The following USH1C variants were observed in gnomAD, a reference collection of about 807,000 sequenced individuals.
USH1C encodes USH1 protein network component harmonin, also known as harmonin.
In USH1C, 90 loss-of-function variants were observed where a neutral mutation model predicts 119.3. That is an observed-to-expected ratio of 0.75 (90% CI 0.64 to 0.90). The LOEUF (loss-of-function observed/expected upper bound fraction) is 0.90, where lower values mean the gene tolerates loss of function less well. USH1C is among the 40% of genes least tolerant of loss of function. USH1C has a pLI of 0.00. For missense variants in USH1C, 1,165 were observed against 1,167.7 expected (o/e 1.00, Z 0.03); for synonymous variants, 465 against 443.3 (o/e 1.05, Z -0.62).
At chr11:17,503,732 C>A (rs1261705616) in intron 20 of USH1C, among the ~76,000 whole-genome samples, 1 of 152,224 alleles carries the variant, frequency 6.6e-6, no homozygotes, top group Non-Finnish European at 1.5e-5. Context: ...CAGGGATTGA[C>A]ATTAGCTGTG....
intron 8 of USH1C, 34 bp downstream of exon 8, chr11:17,526,312 GC>G: frequency 6.3e-7 from 1 of 1,577,576 alleles, no homozygotes; most frequent in Non-Finnish European, 8.7e-7. Context: ...GGGTGCACTG[GC>G]CACGAATGAC....
At chr11:17,506,616 C>T (rs766687836) in intron 18 of USH1C, among the ~76,000 whole-genome samples, 6 of 152,240 alleles carry the variant, frequency 3.9e-5, no homozygotes, top group Non-Finnish European at 7.3e-5. Context: ...CCTCGCCACG[C>T]TCCTCACACT....
At chr11:17,529,397 G>C (rs1352428263) in intron 4 of USH1C, among the ~76,000 whole-genome samples, 2 of 152,234 alleles carry the variant, frequency 1.3e-5, no homozygotes, top group African/African-American at 4.8e-5. Context: ...CACCACTGGG[G>C]ACCCAGCCTC....
chr11:17,522,055 A>G (rs1186857821), intron 12 of USH1C, among the ~76,000 whole-genome samples: 2 of 151,812 alleles, frequency 1.3e-5, no homozygotes, highest in African/African-American at 4.8e-5. Context: ...CTGGTCTCGA[A>G]CTCCTGACCT....
chr11:17,517,717 G>GGAAACTCA (rs1320162208), intron 14 of USH1C, among the ~76,000 whole-genome samples: 1 of 152,182 alleles, frequency 6.6e-6, no homozygotes, highest in African/African-American at 2.4e-5. Context: ...GCTAACAACA[G>GGAAACTCA]GAAACTCAGA....
intron 8 of USH1C, among the ~76,000 whole-genome samples, chr11:17,525,577 T>A (rs1850632261): frequency 6.6e-6 from 1 of 152,230 alleles, no homozygotes; most frequent in Non-Finnish European, 1.5e-5. Flanking sequence ...GGCCCAAGGT[T>A]CCAGAGCTCT....
At chr11:17,538,984 C>T (rs1851337935) in intron 1 of USH1C, among the ~76,000 whole-genome samples, 1 of 152,176 alleles carries the variant, frequency 6.6e-6, no homozygotes, top group Admixed American at 6.5e-5. Context: ...TTTAATCCTG[C>T]CCTTTTCTGT....
intron 17 of USH1C, 26 bp downstream of exon 17, chr11:17,510,379 C>G: frequency 6.3e-7 from 1 of 1,577,342 alleles, no homozygotes; most frequent in Non-Finnish European, 8.7e-7. Context: ...GCAGGAGGGT[C>G]TATGTGGAAA....
Position 17,531,411 on chromosome 11 carries a change from G to A in USH1C, c.236C>T (p.Pro79Leu). ...KHQVEYDQLT[P>L]RRSRKLKEVR... ...GCTTCCTCTGCACCTGGAGCGCCGG[G>A]GGGTCAGCTGATCATATTCCACCTG... The change falls in exon 3 of 27, where the codon CCC becomes CTC. Residue 79 changes from proline (P) to leucine (L), a missense_variant. Physicochemically the swap from Pro to Leu is moderately conservative, Grantham distance 98. Transcript: ENST00000005226. The surrounding 1 kb of genome is among the most constrained non-coding windows in gnomAD (Gnocchi z 4.2). 6.2e-7 allele frequency: 1 copy of A among 1,613,934 alleles called. No individual in the cohort carries two copies. The highest frequency in any genetic ancestry group is 1.7e-4 in the Middle Eastern group (1 of 6,048).
chr11:17,504,543 A>T, intron 20 of USH1C, 104 bp downstream of exon 20: 1 of 1,304,180 alleles, frequency 7.7e-7, no homozygotes, highest in East Asian at 2.3e-5. Context: ...AGATGGGGCC[A>T]CCATGGACCT....
chr11:17,530,859 C>T (rs1358782056), intron 4 of USH1C, among the ~76,000 whole-genome samples: 1 of 152,228 alleles, frequency 6.6e-6, no homozygotes, highest in African/African-American at 2.4e-5. Context: ...CACTGTCTTC[C>T]TCTCTTGGGG....
chr11:17,522,923 G>A lies in USH1C; in HGVS notation c.880C>T (p.Arg294Trp), dbSNP rs555152976. 109 of 1,610,680 alleles carry A rather than the reference G, an allele frequency of 6.8e-5. 1 individual carries two copies. Among genetic ancestry groups the A allele is most frequent in the African/African-American group, 3.9e-4 (29 of 75,010 alleles). Residue 294 changes from arginine (R) to tryptophan (W), a missense_variant, in exon 12 of 27, where the codon CGG becomes TGG. Arg to Trp is a moderately radical substitution (Grantham distance 101). Transcript: ENST00000005226. ...LTISIVAAAG[R>W]ELFMTDRERL... is the part of the protein sequence containing the mutation. ...TCCCGGTCTGTCATGAACAGCTCCC[G>A]GCCCTCATGGGAGAAAAGAGGCCCC...
intron 14 of USH1C, among the ~76,000 whole-genome samples, chr11:17,519,468 T>C (rs780252340): frequency 6.6e-6 from 1 of 152,240 alleles, no homozygotes; most frequent in Non-Finnish European, 1.5e-5. Context: ...GTTTTTATTT[T>C]CTATTGCTCC....
Position 17,501,485 on chromosome 11 carries a change from C to T in USH1C, c.2277G>A (p.Lys759=). The T allele has an allele frequency of 1.2e-6, 2 of 1,613,056 alleles. No individual in the cohort carries two copies. The highest frequency in any genetic ancestry group is 1.3e-5 in the African/African-American group (1 of 75,022). The change falls in exon 22 of 27, where the codon AAG becomes AAA. Residue 759 remains lysine (K), a synonymous_variant. Transcript: ENST00000005226. ...MGKDVRLLRI[K]KEGSLDLALE... is the part of the protein sequence containing the mutation. ...CGGCCTCCACATGCCCAGGTACCTT[C>T]TTGATGCGTAGGAGCCGGACATCCT...
chr11:17,523,542 A>T (rs1850522497), intron 9 of USH1C, 64 bp from the exon 10 acceptor site: 1 of 1,541,806 alleles, frequency 6.5e-7, no homozygotes, highest in Admixed American at 1.7e-5. Context: ...CATCTGCAGG[A>T]CAGGCTCCCC....
intron 18 of USH1C, 90 bp downstream of exon 18, chr11:17,509,266 C>G (rs1849763846): frequency 6.8e-7 from 1 of 1,472,302 alleles, no homozygotes; most frequent in African/African-American, 1.4e-5. Context: ...CTTTCTGTCT[C>G]CACTCTCAGG....
intron 26 of USH1C, 177 bp from the exon 27 acceptor site, chr11:17,494,553 G>A (rs750450540): frequency 4.4e-6 from 3 of 689,102 alleles, no homozygotes; most frequent in Non-Finnish European, 5.2e-6. Context: ...CACAGCCACA[G>A]CACACAGGAG....
At chr11:17,504,788 G>A in intron 19 of USH1C, 91 bp from the exon 20 acceptor site, 1 of 1,394,088 alleles carries the variant, frequency 7.2e-7, no homozygotes, top group Non-Finnish European at 1.0e-6. Context: ...CTGCCAGTCT[G>A]GGGCTGCCGT....
intron 1 of USH1C, among the ~76,000 whole-genome samples, chr11:17,534,064 C>T (rs1851123958): frequency 6.6e-6 from 1 of 152,238 alleles, no homozygotes; most frequent in African/African-American, 2.4e-5. Flanking sequence ...GAATTCCACT[C>T]CCTGAGTTAC....
Sources: allele counts gnomAD v4.1 joint callset (sites outside exome capture counted in the v4.1 genomes callset), GRCh38; gene constraint gnomAD v4.1.1; non-coding constraint Gnocchi (gnomAD v3.1); transcripts MANE v1.5; gene names NCBI Gene and HGNC (gene_info 2026-07-23, HGNC 2026-07-21).